Variants in FRAS1 observed in about 807,000 individuals in gnomAD.
The protein encoded by FRAS1 is extracellular matrix organizing protein FRAS1.
Under a neutral mutation model 435.2 loss-of-function variants are expected in FRAS1, and 290 were observed. The observed-to-expected ratio is 0.67, with a 90% confidence interval of 0.61 to 0.73. The LOEUF (loss-of-function observed/expected upper bound fraction) is 0.73, where lower values mean the gene tolerates loss of function less well. Ranked by LOEUF, FRAS1 falls within the 30% of genes least tolerant of loss-of-function variation. The probability of loss-of-function intolerance (pLI) is 0.00; values close to 1 mark genes in which losing one functional copy is unlikely to be tolerated. For missense variants in FRAS1, 4,860 were observed against 5,001.5 expected, an observed-to-expected ratio of 0.97 and a Z score of 0.85; for synonymous variants, 1,800 against 1,851.0, an observed-to-expected ratio of 0.97 and a Z score of 0.71.
intron 50 of FRAS1, 66 bp downstream of exon 50, chr4:78,466,501 T>C: frequency 1.7e-6 from 2 of 1,168,394 alleles, no homozygotes; most frequent in South Asian, 2.9e-5. Context: ...CATGGAGTTT[T>C]ACATCAAGCA....
At chr4:78,264,974 G>C (rs1726278201) in intron 6 of FRAS1, 51 bp from the exon 7 acceptor site, 3 of 1,138,992 alleles carry the variant, frequency 2.6e-6, no homozygotes, top group South Asian at 2.6e-5. Context: ...TGCTGTTGTG[G>C]ATCTTATTAA....
intron 41 of FRAS1, among the ~76,000 whole-genome samples, chr4:78,444,896 T>A (rs991876183): frequency 6.6e-6 from 1 of 152,222 alleles, no homozygotes; most frequent in Non-Finnish European, 1.5e-5. Flanking sequence ...GAGCTCTGAA[T>A]GGTCCTGGAG....
intron 44 of FRAS1, among the ~76,000 whole-genome samples, 161 bp downstream of exon 44, chr4:78,448,477 A>C (rs544037973): frequency 6.6e-6 from 1 of 152,168 alleles, no homozygotes; most frequent in Non-Finnish European, 1.5e-5. Flanking sequence ...TGTTTTTGGG[A>C]TACTAAGAAT....
intron 19 of FRAS1, among the ~76,000 whole-genome samples, chr4:78,336,799 C>T (rs1295677132): frequency 1.3e-5 from 2 of 152,190 alleles, no homozygotes; most frequent in African/African-American, 4.8e-5. Context: ...CCTTCACATC[C>T]CCTCCTCTTG....
chr4:78,319,016 G>A (rs1267525627), intron 18 of FRAS1, 30 bp downstream of exon 18: 2 of 1,608,638 alleles, frequency 1.2e-6, no homozygotes, highest in African/African-American at 1.3e-5. Flanking sequence ...GTGTTAGGTA[G>A]CCTCTGGGCT....
In FRAS1 at chr4:78,535,520, C is replaced by T. The variant is rs74428196; in HGVS notation, c.11092+905C>T. 3.3e-3 allele frequency among the ~76,000 whole-genome samples: 509 copies of T among 152,258 alleles called. 4 individuals are homozygous for T. Among genetic ancestry groups the T allele is most frequent in the African/African-American group, 0.011 (469 of 41,526 alleles). On this transcript the variant is annotated intron_variant, in intron 71 of 73. Transcript: ENST00000512123. ...CCCACATCTGCTACCCTGCTGACTGCGTCACCATCCTCTATGTGCCCCAAC... is the reference window on the plus strand; with the variant it reads ...CCCACATCTGCTACCCTGCTGACTGTGTCACCATCCTCTATGTGCCCCAAC...
chr4:78,192,515 C>T (rs916749193), intron 2 of FRAS1, among the ~76,000 whole-genome samples: 22 of 152,122 alleles, frequency 1.4e-4, no homozygotes, highest in Non-Finnish European at 2.5e-4. Context: ...GTGTATGTGT[C>T]GAAGAATTTA....
intron 65 of FRAS1, among the ~76,000 whole-genome samples, chr4:78,513,865 G>A (rs947932363): frequency 6.6e-5 from 10 of 152,162 alleles, no homozygotes; most frequent in Admixed American, 1.3e-4. Context: ...GATTAAATGC[G>A]TTGACATTTT....
At chr4:78,359,986 T>C (rs562816238) in intron 20 of FRAS1, among the ~76,000 whole-genome samples, 46 of 152,316 alleles carry the variant, frequency 3.0e-4, no homozygotes, top group African/African-American at 1.1e-3. Flanking sequence ...GACCTTTCCA[T>C]TGATTTCTGG....
chr4:78,470,725 GTA>G (rs1037190362), intron 51 of FRAS1, among the ~76,000 whole-genome samples: 3 of 152,158 alleles, frequency 2.0e-5, no homozygotes, highest in African/African-American at 7.2e-5. Flanking sequence ...ATGCCATTTT[GTA>G]TAAAGGACTT....
intron 5 of FRAS1, among the ~76,000 whole-genome samples, chr4:78,253,547 C>T (rs145564509): frequency 0.013 from 1,923 of 152,242 alleles, 34 homozygotes; most frequent in African/African-American, 0.043. Context: ...CTGGTCCCTC[C>T]GTTTGGGGTC....
chr4:78,387,582 A>G lies in FRAS1; in HGVS notation c.3856A>G (p.Arg1286Gly). ...TCAATTCCAGCTGGATGAACTCTCTAGAGGCCTTCTCCACTATGCTCATGA... is the reference window on the plus strand; with the variant it reads ...TCAATTCCAGCTGGATGAACTCTCTGGAGGCCTTCTCCACTATGCTCATGA... ...IYQFQLDELS[R>G]GLLHYAHDGS... The change falls in exon 29 of 74, where the codon AGA becomes GGA. Residue 1286 changes from arginine (R) to glycine (G), a missense_variant. By Grantham distance (125) the Arg-to-Gly change is moderately radical (BLOSUM62 -2). Transcript: ENST00000512123. 1 of 1,613,828 alleles carries G rather than the reference A, an allele frequency of 6.2e-7. No individual in the cohort carries two copies. Among genetic ancestry groups the G allele is most frequent in the Non-Finnish European group, 8.5e-7 (1 of 1,179,798 alleles).
At chr4:78,324,682 A>G (rs1478477179) in intron 18 of FRAS1, among the ~76,000 whole-genome samples, 1 of 134,178 alleles carries the variant, frequency 7.5e-6, no homozygotes, top group Non-Finnish European at 1.7e-5. Flanking sequence ...TAATTTACTT[A>G]CTTTCTTTTT....
intron 2 of FRAS1, among the ~76,000 whole-genome samples, chr4:78,080,312 T>C (rs1434425108): frequency 6.6e-6 from 1 of 152,118 alleles, no homozygotes; most frequent in Non-Finnish European, 1.5e-5. Context: ...GAGGCATAAT[T>C]GCGGTATTCA....
chr4:78,267,268 C>T lies in FRAS1; in HGVS notation c.817C>T (p.Gln273Ter), dbSNP rs1200270475. The T allele has an allele frequency of 1.2e-6, 2 of 1,613,740 alleles. No homozygotes were observed. The highest frequency in any genetic ancestry group is 1.1e-5 in the South Asian group (1 of 90,992). The change falls in exon 9 of 74, where the codon CAA (glutamine) becomes TAA (stop). Residue 273 changes from glutamine to a stop codon, truncating the protein, a stop_gained. Transcript: ENST00000512123. LOFTEE classifies it high-confidence loss of function. ...KGQSRARRHG[Q>*]CCEECVSPAG... ...TCAGAGCAGGGCTCGGCGTCATGGG[C>T]AATGCTGTGAGGAATGTGTGTCTCC...
In FRAS1 at chr4:78,296,494, C is replaced by G. The variant is rs1728151035; in HGVS notation, c.1534+9955C>G. ...AGTTTTAGCGTCTCAGGCAACCAGC[C>G]TTGGCCTCTTGTGGGGCTGTGACTG... On this transcript the variant is annotated intron_variant, in intron 14 of 73. Coordinates refer to ENST00000512123, the MANE Select transcript of FRAS1 (RefSeq NM_025074.7). Among the ~76,000 whole-genome samples the G allele has an allele frequency of 2.6e-5, 4 of 152,274 alleles. No homozygotes were observed. The South Asian group carries it at 8.3e-4, about 32-fold the overall frequency.
intron 44 of FRAS1, among the ~76,000 whole-genome samples, chr4:78,448,700 C>T (rs78862508): frequency 0.028 from 4,269 of 152,176 alleles, 200 homozygotes; most frequent in African/African-American, 0.097. Context: ...ATTTTTAAGA[C>T]GCTTATTTTT....
chr4:78,289,473 C>A (rs989699113), intron 14 of FRAS1, among the ~76,000 whole-genome samples: 1 of 152,178 alleles, frequency 6.6e-6, no homozygotes, highest in African/African-American at 2.4e-5. Flanking sequence ...TAGCACTAGC[C>A]TGTTTTTATA....
chr4:78,489,963 GAAAACAAA>G (rs1193301425), intron 59 of FRAS1, among the ~76,000 whole-genome samples: 4 of 6,080 alleles, frequency 6.6e-4, no homozygotes, highest in African/African-American at 1.1e-3. Context: ...AAAGCTAGTG[GAAAACAAA>G]AAAAAAAAAA....
Sources: allele counts gnomAD v4.1 joint callset (sites outside exome capture counted in the v4.1 genomes callset), GRCh38; gene constraint gnomAD v4.1.1; transcripts MANE v1.5; gene names NCBI Gene and HGNC (gene_info 2026-07-23, HGNC 2026-07-21).